RAB8B: variants seen among roughly 807,000 people sequenced by gnomAD.
The protein encoded by RAB8B is RAB8B, member RAS oncogene family.
RAB8B carries 11 observed loss-of-function variants against 32.0 expected under a neutral mutation model. The ratio of observed to expected loss-of-function variants is 0.34; its 90% CI spans 0.22 to 0.57. The LOEUF (loss-of-function observed/expected upper bound fraction) is 0.57. Among genes scored for constraint, RAB8B ranks in the 20% least tolerant of loss-of-function variants. The pLI, the probability that RAB8B is intolerant of heterozygous loss-of-function variation, is 0.86. For synonymous variants in RAB8B, 103 were observed against 89.6 expected, an observed-to-expected ratio of 1.15 and a Z score of -0.85; for missense variants, 190 against 258.5, an observed-to-expected ratio of 0.73 and a Z score of 1.82.
At chr15:63,231,897 C>G (rs536352844) in intron 1 of RAB8B, among the ~76,000 whole-genome samples, 1 of 152,306 alleles carries the variant, frequency 6.6e-6, no homozygotes, top group Admixed American at 6.5e-5. Flanking sequence ...ATTTTGACAT[C>G]TTCGAGCTTA....
chr15:63,192,601 G>A (rs2037566119), intron 1 of RAB8B, among the ~76,000 whole-genome samples: 1 of 152,104 alleles, frequency 6.6e-6, no homozygotes, highest in African/African-American at 2.4e-5. Flanking sequence ...GATATGTATG[G>A]GTGTCTGTTT....
intron 3 of RAB8B, among the ~76,000 whole-genome samples, chr15:63,252,183 A>G (rs1391412087): frequency 6.6e-6 from 1 of 151,990 alleles, no homozygotes; most frequent in African/African-American, 2.4e-5. Flanking sequence ...GATTCATAAT[A>G]TCAGTTAGCT....
At chr15:63,247,909 C>A (rs893968484) in intron 2 of RAB8B, among the ~76,000 whole-genome samples, 3 of 152,208 alleles carry the variant, frequency 2.0e-5, no homozygotes, top group Admixed American at 6.5e-5. Context: ...GTGTACTTCA[C>A]TGGAAAATGT....
In RAB8B at chr15:63,248,231, G is replaced by A. The variant is rs2038086724; in HGVS notation, c.186-1414G>A. 6.6e-6 allele frequency among the ~76,000 whole-genome samples: 1 copy of A among 152,174 alleles called. No individual in the cohort carries two copies. Among genetic ancestry groups the A allele is most frequent in the Non-Finnish European group, 1.5e-5 (1 of 68,014 alleles). On this transcript the variant is annotated intron_variant, in intron 2 of 7. Transcript: ENST00000321437. This position sits in a 1 kb window ranked among gnomAD's most constrained non-coding sequence, Gnocchi z 4.4. ...CTTGTCTCCTTCAAGAGTATGAGCT[G>A]GGCCGGGTGCAGTGGCTCACGCCTG...
At chr15:63,208,573 C>G (rs930239637) in intron 1 of RAB8B, among the ~76,000 whole-genome samples, 7 of 152,130 alleles carry the variant, frequency 4.6e-5, no homozygotes, top group Admixed American at 1.3e-4. Flanking sequence ...TTATTCTCGC[C>G]TGCACATTTT....
chr15:63,237,235 C>T (rs2037988670), intron 1 of RAB8B, among the ~76,000 whole-genome samples: 1 of 152,084 alleles, frequency 6.6e-6, no homozygotes, highest in African/African-American at 2.4e-5. Context: ...CTTTGACATA[C>T]TCATTTCCTT....
intron 1 of RAB8B, among the ~76,000 whole-genome samples, chr15:63,209,773 T>C (rs892129318): frequency 4.6e-5 from 7 of 151,974 alleles, no homozygotes; most frequent in African/African-American, 1.7e-4. Flanking sequence ...AATTATACTT[T>C]AAGTTCTGGG....
intron 1 of RAB8B, among the ~76,000 whole-genome samples, chr15:63,201,290 C>T (rs551922376): frequency 2.6e-5 from 4 of 152,164 alleles, no homozygotes; most frequent in Non-Finnish European, 4.4e-5. Flanking sequence ...GAGGAGAGGT[C>T]GAGGAAGGGC....
intron 1 of RAB8B, among the ~76,000 whole-genome samples, chr15:63,213,924 T>C (rs1236327451): frequency 6.6e-6 from 1 of 151,824 alleles, no homozygotes; most frequent in Admixed American, 6.6e-5. Context: ...CTAATAAAAA[T>C]ACAAAAATTA....
At chr15:63,234,448 T>C (rs2037961468) in intron 1 of RAB8B, among the ~76,000 whole-genome samples, 1 of 152,224 alleles carries the variant, frequency 6.6e-6, no homozygotes, top group Non-Finnish European at 1.5e-5. Context: ...TATATCTAAT[T>C]TGTGGAATGA....
intron 1 of RAB8B, among the ~76,000 whole-genome samples, chr15:63,203,071 A>G (rs531880363): frequency 5.0e-4 from 76 of 152,338 alleles, no homozygotes; most frequent in African/African-American, 1.8e-3. Flanking sequence ...GGCCACCAAC[A>G]TCGGAGAGGA....
At chr15:63,204,645 G>C (rs932581361) in intron 1 of RAB8B, among the ~76,000 whole-genome samples, 1 of 152,084 alleles carries the variant, frequency 6.6e-6, no homozygotes, top group African/African-American at 2.4e-5. Flanking sequence ...GATTTTAATG[G>C]AGTAAATTAC....
chr15:63,223,692 C>T (rs946278278), intron 1 of RAB8B, among the ~76,000 whole-genome samples: 11 of 152,222 alleles, frequency 7.2e-5, no homozygotes, highest in Non-Finnish European at 1.5e-4. Flanking sequence ...AGACACACGA[C>T]TGTACTTGTA....
At chr15:63,227,700 T>C (rs2037900522) in intron 1 of RAB8B, among the ~76,000 whole-genome samples, 1 of 152,226 alleles carries the variant, frequency 6.6e-6, no homozygotes, top group South Asian at 2.1e-4. Flanking sequence ...TGTGCATACC[T>C]GCTGTTTGTT....
At chr15:63,247,367 A>C (rs370854795) in intron 2 of RAB8B, among the ~76,000 whole-genome samples, 6 of 152,352 alleles carry the variant, frequency 3.9e-5, no homozygotes, top group East Asian at 1.9e-4. Flanking sequence ...GCAATATGCA[A>C]GGCAAAGATC....
In RAB8B at chr15:63,244,781, A is replaced by G. The variant is rs1304289945; in HGVS notation, c.150A>G (p.Ile50Met). ...GAATTGATTTTAAAATTAGAACGATAGAACTAGATGGAAAGAAAATTAAGC... is the reference window on the plus strand; with the variant it reads ...GAATTGATTTTAAAATTAGAACGATGGAACTAGATGGAAAGAAAATTAAGC... Reference protein sequence around the residue: ...TIGIDFKIRTIELDGKKIKLQ... With the variant: ...TIGIDFKIRTMELDGKKIKLQ... The change falls in exon 2 of 8, where the codon ATA (isoleucine) becomes ATG (methionine). Residue 50 changes from isoleucine to methionine, a missense_variant. Physicochemically the swap from Ile to Met is conservative, Grantham distance 10 (BLOSUM62 1). Coordinates refer to ENST00000321437, the MANE Select transcript of RAB8B (RefSeq NM_016530.3). The G allele has an allele frequency of 4.4e-6, 7 of 1,583,256 alleles. No individual in the cohort carries two copies. The South Asian group carries it at 7.9e-5, about 18-fold the overall frequency.
chr15:63,255,469 T>C (rs761015310), intron 3 of RAB8B, 38 bp from the exon 4 acceptor site: 6 of 1,365,510 alleles, frequency 4.4e-6, no homozygotes, highest in Middle Eastern at 2.4e-4. Flanking sequence ...ACTTTAAATA[T>C]ATAAAGTACT....
chr15:63,212,018 A>C (rs1202971961), intron 1 of RAB8B, among the ~76,000 whole-genome samples: 1 of 152,016 alleles, frequency 6.6e-6, no homozygotes, highest in Non-Finnish European at 1.5e-5. Context: ...ATTTTTTAAG[A>C]GAGGGAGTCT....
intron 1 of RAB8B, among the ~76,000 whole-genome samples, chr15:63,227,992 T>C (rs925635269): frequency 3.3e-5 from 5 of 152,070 alleles, no homozygotes; most frequent in African/African-American, 1.2e-4. Context: ...TTCTTCCTTT[T>C]CTCTTTCCTT....
Sources: gnomAD v4.1 joint callset for allele counts (sites outside exome capture counted in the v4.1 genomes callset) on GRCh38, gnomAD v4.1.1 for gene constraint, Gnocchi (gnomAD v3.1) non-coding constraint, MANE v1.5 for transcripts, NCBI Gene and HGNC (gene_info 2026-07-23, HGNC 2026-07-21) for gene names.